ANKS1B: variants seen among roughly 807,000 people sequenced by gnomAD.
ANKS1B encodes ankyrin repeat and sterile alpha motif domain-containing protein 1B.
A neutral mutation model predicts 148.3 loss-of-function variants in ANKS1B; 36 were observed. The observed-to-expected ratio is 0.24, with a 90% confidence interval of 0.19 to 0.32. The LOEUF (loss-of-function observed/expected upper bound fraction) is 0.32, where lower values mean the gene tolerates loss of function less well. ANKS1B is among the 10% of genes least tolerant of loss of function. The pLI is 1.00. For synonymous variants in ANKS1B, 542 were observed against 560.8 expected, an observed-to-expected ratio of 0.97 and a Z score of 0.47; for missense variants, 1,157 against 1,542.6, an observed-to-expected ratio of 0.75 and a Z score of 4.19.
Position 99,457,686 on chromosome 12 carries a change from A to T in ANKS1B, c.1439-13877T>A, listed in dbSNP as rs1408063146. ...CAGCAGTTAAAAAAGACAAAGAAGG[A>T]CATACATAATGATAAAATGACTAGT... is the stretch of plus-strand genomic sequence containing the variant. On this transcript the variant is annotated intron_variant, in intron 10 of 26. Coordinates refer to ENST00000683438, the MANE Select transcript of ANKS1B (RefSeq NM_001352186.2). Among the ~76,000 whole-genome samples, 10 of 152,154 alleles carry T rather than the reference A, an allele frequency of 6.6e-5. No homozygotes were observed. In the East Asian group the frequency reaches 1.9e-3, roughly 29 times the overall value.
chr12:98,829,264 G>C lies in ANKS1B; in HGVS notation c.2976C>G (p.His992Gln). The C allele has an allele frequency of 6.2e-7, 1 of 1,614,020 alleles. No individual in the cohort carries two copies. Among genetic ancestry groups the C allele is most frequent in the Non-Finnish European group, 8.5e-7 (1 of 1,179,888 alleles). Residue 992 changes from histidine (H) to glutamine (Q), a missense_variant, in exon 19 of 27, where the codon CAC (histidine) becomes CAG (glutamine). By Grantham distance (24) the His-to-Gln change is conservative. Around this residue, in one of 6 missense-constraint regions of ANKS1B, gnomAD observed 258 missense variants for 497.0 expected, o/e 0.52. Coordinates refer to ENST00000683438, the MANE Select transcript of ANKS1B (RefSeq NM_001352186.2). The surrounding 1 kb of genome is among the most constrained non-coding windows in gnomAD (Gnocchi z 5.2). The part of the protein sequence containing the change: ...YTTGGSLDVP[H>Q]IIMQGDARRR... ...TCCTTGCATCGCCCTGCATGATAAT[G>C]TGAGGAACGTCTAGGGAGCCACCAG...
intron 17 of ANKS1B, among the ~76,000 whole-genome samples, chr12:98,986,274 C>G (rs1413363761): frequency 6.6e-6 from 1 of 151,828 alleles, no homozygotes; most frequent in African/African-American, 2.4e-5. Context: ...AATTCTCAGT[C>G]ATTACCTGTT....
intron 8 of ANKS1B, among the ~76,000 whole-genome samples, chr12:99,680,018 G>C (rs1335160064): frequency 6.6e-6 from 1 of 152,222 alleles, no homozygotes; most frequent in Non-Finnish European, 1.5e-5. Context: ...GTCTTGAAAA[G>C]TGTGAAAGGG....
chr12:99,802,098 C>T (rs951389474), intron 4 of ANKS1B, among the ~76,000 whole-genome samples: 8 of 152,192 alleles, frequency 5.3e-5, no homozygotes, highest in African/African-American at 1.9e-4. Flanking sequence ...TCTGGTGCCA[C>T]TATAAGCCTT....
At chr12:98,771,202 C>A (rs1018680382) in intron 25 of ANKS1B, among the ~76,000 whole-genome samples, 1 of 152,132 alleles carries the variant, frequency 6.6e-6, no homozygotes, top group African/African-American at 2.4e-5. Context: ...GACGGTTTCA[C>A]TCTGTAGTCC....
chr12:99,403,314 G>T (rs1380292095), intron 11 of ANKS1B, among the ~76,000 whole-genome samples: 3 of 142,288 alleles, frequency 2.1e-5, no homozygotes, highest in Non-Finnish European at 4.6e-5. Context: ...GCATTACCAT[G>T]TCTGGCTAAT....
At chr12:99,914,754 A>T (rs1454948772) in intron 1 of ANKS1B, among the ~76,000 whole-genome samples, 1 of 152,048 alleles carries the variant, frequency 6.6e-6, no homozygotes, top group Non-Finnish European at 1.5e-5. Context: ...CTAAACACTC[A>T]AATCTGCTGA....
At chr12:99,563,230 C>G (rs2097355589) in intron 9 of ANKS1B, among the ~76,000 whole-genome samples, 1 of 152,162 alleles carries the variant, frequency 6.6e-6, no homozygotes, top group South Asian at 2.1e-4. Context: ...TCTTCAAGAA[C>G]TTTTCCTTTG....
chr12:99,133,048 C>CTTTTTTTTTTTTTTT (rs2066661664), intron 15 of ANKS1B, among the ~76,000 whole-genome samples: 1 of 129,646 alleles, frequency 7.7e-6, no homozygotes, highest in Non-Finnish European at 1.7e-5. Flanking sequence ...TTTTCTTTTT[C>CTTTTTTTTTTTTTTT]TTTCTTTCTT....
At chr12:99,045,028 T>C (rs76443541) in intron 17 of ANKS1B, among the ~76,000 whole-genome samples, 98 of 152,328 alleles carry the variant, frequency 6.4e-4, no homozygotes, top group African/African-American at 2.4e-3. Flanking sequence ...CTTTGCTTTA[T>C]AAACAGTAAG....
chr12:98,783,009 C>T (rs2098752595), intron 22 of ANKS1B, among the ~76,000 whole-genome samples: 1 of 151,094 alleles, frequency 6.6e-6, no homozygotes, highest in Non-Finnish European at 1.5e-5. Flanking sequence ...GCTGGGGCAG[C>T]CCAGGCGATA....
At chr12:99,195,914 ATAACT>A (rs1236946747) in intron 14 of ANKS1B, among the ~76,000 whole-genome samples, 1 of 152,152 alleles carries the variant, frequency 6.6e-6, no homozygotes, top group Admixed American at 6.6e-5. Flanking sequence ...TTAATCTAAC[ATAACT>A]TAACCATTAT....
intron 9 of ANKS1B, among the ~76,000 whole-genome samples, chr12:99,548,999 C>CA (rs1318177015): frequency 1.3e-5 from 2 of 152,010 alleles, no homozygotes; most frequent in Admixed American, 6.6e-5. Flanking sequence ...TAACATATAA[C>CA]AAAAAGGCAT....
At chr12:99,873,531 G>A (rs1349008277) in intron 1 of ANKS1B, among the ~76,000 whole-genome samples, 1 of 152,040 alleles carries the variant, frequency 6.6e-6, no homozygotes, top group Non-Finnish European at 1.5e-5. Flanking sequence ...GTAGTTCCAA[G>A]CCCTTCAAAT....
chr12:99,234,449 GAATACAGTGAATTT>G (rs2087483447), intron 14 of ANKS1B, among the ~76,000 whole-genome samples: 2 of 152,022 alleles, frequency 1.3e-5, no homozygotes, highest in Non-Finnish European at 1.5e-5. Context: ...CAATTCCTGG[GAATACAGTGAATTT>G]AACATTAAGA....
At chr12:98,825,224 A>G (rs566120479) in intron 19 of ANKS1B, among the ~76,000 whole-genome samples, 70 of 152,266 alleles carry the variant, frequency 4.6e-4, no homozygotes, top group Middle Eastern at 3.4e-3. Flanking sequence ...GTGCTTCTGT[A>G]TGGCTCAGCT....
At chr12:98,852,569 T>C (rs1402859689) in intron 17 of ANKS1B, among the ~76,000 whole-genome samples, 1 of 152,076 alleles carries the variant, frequency 6.6e-6, no homozygotes, top group African/African-American at 2.4e-5. Flanking sequence ...CAAAGAACCC[T>C]CACATGGGCA....
chr12:99,287,804 T>G (rs2079342894), intron 12 of ANKS1B, among the ~76,000 whole-genome samples: 1 of 152,026 alleles, frequency 6.6e-6, no homozygotes, highest in African/African-American at 2.4e-5. Context: ...GCAGAGTTGA[T>G]CAAACAGAAG....
At chr12:99,047,211 C>G (rs1185576711) in intron 17 of ANKS1B, among the ~76,000 whole-genome samples, 1 of 152,070 alleles carries the variant, frequency 6.6e-6, no homozygotes, top group Non-Finnish European at 1.5e-5. Flanking sequence ...ACCAGCCTGG[C>G]CAACATGGTG....
Sources: gnomAD v4.1 joint callset for allele counts (sites outside exome capture counted in the v4.1 genomes callset) on GRCh38, gnomAD v4.1.1 for gene constraint, gnomAD v4.1.1 regional missense constraint, Gnocchi (gnomAD v3.1) non-coding constraint, MANE v1.5 for transcripts, NCBI Gene and HGNC (gene_info 2026-07-23, HGNC 2026-07-21) for gene names.